HEATR4: variants seen among roughly 807,000 people sequenced by gnomAD.
HEATR4 encodes the protein HEAT repeat containing 4, also known as HEAT repeat-containing protein 4.
A neutral mutation model predicts 108.8 loss-of-function variants in HEATR4; 95 were observed. That is an observed-to-expected ratio of 0.87 (90% CI 0.74 to 1.04). The LOEUF is 1.04. HEATR4 is among the 50% of genes least tolerant of loss of function. The pLI is 0.00. For missense variants in HEATR4, 1,152 were observed against 1,253.8 expected (o/e 0.92, Z 1.23); for synonymous variants, 443 against 459.4 (o/e 0.96, Z 0.46).
At chr14:73,567,332 T>C in the HEATR4 span, among the ~76,000 whole-genome samples, 1 of 152,076 alleles carries the variant, frequency 6.6e-6, no homozygotes, top group Non-Finnish European at 1.5e-5. Flanking sequence ...CATTAGCTAC[T>C]ATTGAGAGGT....
intron 13 of HEATR4, among the ~76,000 whole-genome samples, chr14:73,498,687 A>G (rs1358652949): frequency 6.6e-6 from 1 of 152,246 alleles, no homozygotes; most frequent in Admixed American, 6.5e-5. Flanking sequence ...AAAAGAAACT[A>G]GGCAGATTAA....
the HEATR4 span, chr14:73,575,125 T>G: frequency 7.6e-7 from 1 of 1,317,308 alleles, no homozygotes; most frequent in Non-Finnish European, 1.0e-6. Flanking sequence ...GCAGACATTG[T>G]GGATGTCCTG....
chr14:73,617,372 T>C, the HEATR4 span, among the ~76,000 whole-genome samples: 1 of 152,132 alleles, frequency 6.6e-6, no homozygotes, highest in African/African-American at 2.4e-5. Flanking sequence ...CCCAGCTACC[T>C]GGGAGGCTGA....
At chr14:73,493,028 G>C in intron 17 of HEATR4, 38 bp downstream of exon 17, 1 of 1,534,216 alleles carries the variant, frequency 6.5e-7, no homozygotes. Context: ...TTAAACTCAC[G>C]TTCTTACCTT....
At chr14:73,601,506 G>A in the HEATR4 span, among the ~76,000 whole-genome samples, 1 of 152,232 alleles carries the variant, frequency 6.6e-6, no homozygotes, top group Non-Finnish European at 1.5e-5. Context: ...GGAGATTGCA[G>A]TGAGCTGAGA....
At chr14:73,508,963 A>G (rs948912331) in intron 8 of HEATR4, among the ~76,000 whole-genome samples, 2 of 151,794 alleles carry the variant, frequency 1.3e-5, no homozygotes, top group East Asian at 1.9e-4. Context: ...TCTGATAAGC[A>G]TGTATATATA....
chr14:73,570,462 G>A, the HEATR4 span, among the ~76,000 whole-genome samples: 2 of 151,920 alleles, frequency 1.3e-5, no homozygotes, highest in African/African-American at 4.8e-5. Flanking sequence ...CCAGCTACTC[G>A]GGAGGCTGAG....
In HEATR4 at chr14:73,513,224, C is replaced by T. The variant is rs144947376; in HGVS notation, c.1414+807G>A. ...TTGTAATCCCAGCACTTTGGGAGGC[C>T]AAGGCGGGGAGATCACCTGAAGTCA... On this transcript the variant is annotated intron_variant, in intron 6 of 17. Coordinates refer to ENST00000553558, the MANE Select transcript of HEATR4 (RefSeq NM_001220484.1). Among the ~76,000 whole-genome samples, 264 of 152,284 alleles carry T rather than the reference C, an allele frequency of 1.7e-3. 1 individual carries two copies. The highest frequency in any genetic ancestry group is 3.4e-3 in the Middle Eastern group (1 of 294).
chr14:73,551,900 A>G (rs1212598580), intron 1 of HEATR4, among the ~76,000 whole-genome samples: 1 of 111,866 alleles, frequency 8.9e-6, no homozygotes, highest in Non-Finnish European at 1.9e-5. Context: ...ATGGGCACGT[A>G]TACAACTTCC....
intron 16 of HEATR4, chr14:73,493,412 GATT>G (rs1445612379): frequency 5.8e-6 from 2 of 347,404 alleles, no homozygotes; most frequent in Non-Finnish European, 1.1e-5. Flanking sequence ...CCTAAGGCTA[GATT>G]ATTATGTGGG....
At chr14:73,602,096 G>A in the HEATR4 span, among the ~76,000 whole-genome samples, 3 of 151,902 alleles carry the variant, frequency 2.0e-5, no homozygotes, top group Non-Finnish European at 2.9e-5. Flanking sequence ...ACGGGCCACC[G>A]TGCCTGGCTA....
the HEATR4 span, among the ~76,000 whole-genome samples, chr14:73,580,050 A>G: frequency 6.6e-6 from 1 of 151,988 alleles, no homozygotes; most frequent in East Asian, 1.9e-4. Context: ...GTGAGCCAAG[A>G]TTGTGTTACT....
the HEATR4 span, among the ~76,000 whole-genome samples, chr14:73,600,052 C>T: frequency 6.6e-6 from 1 of 152,124 alleles, no homozygotes; most frequent in Non-Finnish European, 1.5e-5. Flanking sequence ...TCAATCTGAA[C>T]GGCTTTGAAA....
At chr14:73,541,895 T>G (rs1199268065) in intron 1 of HEATR4, among the ~76,000 whole-genome samples, 2 of 113,916 alleles carry the variant, frequency 1.8e-5, no homozygotes, top group Non-Finnish European at 3.8e-5. Flanking sequence ...CTCACTCTGT[T>G]GCCAGGCTGG....
chr14:73,515,658 C>T (rs886849670), intron 5 of HEATR4, among the ~76,000 whole-genome samples: 7 of 110,220 alleles, frequency 6.4e-5, no homozygotes, highest in Non-Finnish European at 8.4e-5. Flanking sequence ...GGTGACAAAG[C>T]GAGACTCCAT....
chr14:73,604,767 G>A, the HEATR4 span, among the ~76,000 whole-genome samples: 7 of 152,250 alleles, frequency 4.6e-5, no homozygotes, highest in East Asian at 1.9e-4. Flanking sequence ...GATTACAGGC[G>A]AGAGCCACCA....
chr14:73,484,833 GACACACACACACACAC>G (rs529857941), intron 17 of HEATR4, among the ~76,000 whole-genome samples: 7 of 141,556 alleles, frequency 4.9e-5, no homozygotes, highest in African/African-American at 1.6e-4. Flanking sequence ...CACACACACA[GACACACACACACACAC>G]ACACACACAC....
intron 2 of HEATR4, among the ~76,000 whole-genome samples, chr14:73,529,706 G>A (rs1431041154): frequency 6.6e-6 from 1 of 152,172 alleles, no homozygotes; most frequent in Non-Finnish European, 1.5e-5. Context: ...CCTTTATCCT[G>A]TACAAGTGGT....
chr14:73,524,304 A>ATATAT (rs1315675578), intron 2 of HEATR4, among the ~76,000 whole-genome samples: 9 of 93,778 alleles, frequency 9.6e-5, no homozygotes, highest in Non-Finnish European at 1.2e-4. Context: ...AAAAAAAAAA[A>ATATAT]AAAAAAATAT....
Sources: gnomAD v4.1 joint callset for allele counts (sites outside exome capture counted in the v4.1 genomes callset) on GRCh38, gnomAD v4.1.1 for gene constraint, MANE v1.5 for transcripts, NCBI Gene and HGNC (gene_info 2026-07-23, HGNC 2026-07-21) for gene names.